The following EHBP1 variants were observed in gnomAD, a reference collection of about 807,000 sequenced individuals.
EHBP1 encodes EH domain binding protein 1.
Under a neutral mutation model 144.0 loss-of-function variants are expected in EHBP1, and 55 were observed. That is an observed-to-expected ratio of 0.38 (90% CI 0.31 to 0.48). The LOEUF is 0.48. Among genes scored for constraint, EHBP1 ranks in the 20% least tolerant of loss-of-function variants. The pLI is 0.98. For synonymous variants in EHBP1, 469 were observed against 472.7 expected (o/e 0.99, Z 0.10); for missense variants, 1,200 against 1,364.2 (o/e 0.88, Z 1.90).
Position 62,751,662 on chromosome 2 carries a change from G to T in EHBP1, c.162+4210G>T, listed in dbSNP as rs556525809. Among the ~76,000 whole-genome samples, 31 of 152,230 alleles carry T rather than the reference G, an allele frequency of 2.0e-4. 1 individual carries two copies. The South Asian group carries it at 3.5e-3, about 17-fold the overall frequency. On this transcript the variant is annotated intron_variant, in intron 3 of 22. Coordinates refer to ENST00000431489, the MANE Select transcript of EHBP1 (RefSeq NM_001142616.3). The stretch of plus-strand genomic sequence containing the variant: ...TATTAATTATTGCCTCAATTTCAGA[G>T]CCTGTTATTGGTCTATTCAGAGATT...
At chr2:62,932,689 C>G (rs1308384212) in intron 10 of EHBP1, among the ~76,000 whole-genome samples, 1 of 152,064 alleles carries the variant, frequency 6.6e-6, no homozygotes, top group African/African-American at 2.4e-5. Context: ...CATGGTGGCT[C>G]ACACCTGTAA....
chr2:62,832,077 G>A (rs903647217), intron 7 of EHBP1, among the ~76,000 whole-genome samples: 3 of 152,074 alleles, frequency 2.0e-5, no homozygotes, highest in African/African-American at 7.2e-5. Flanking sequence ...AAAATTAGAT[G>A]TTTTTTCATG....
intron 5 of EHBP1, among the ~76,000 whole-genome samples, chr2:62,817,112 A>C (rs373148871): frequency 6.6e-6 from 1 of 152,236 alleles, no homozygotes; most frequent in South Asian, 2.1e-4. Context: ...TTCACTTAAG[A>C]AGTATTTATT....
chr2:62,747,068 A>G (rs1279467565), intron 2 of EHBP1, among the ~76,000 whole-genome samples: 1 of 152,126 alleles, frequency 6.6e-6, no homozygotes, highest in African/African-American at 2.4e-5. Context: ...ATAATGTGTT[A>G]GAAGTATGGT....
intron 12 of EHBP1, among the ~76,000 whole-genome samples, chr2:62,944,297 G>A (rs1470031983): frequency 2.0e-5 from 3 of 152,132 alleles, no homozygotes; most frequent in Non-Finnish European, 4.4e-5. Context: ...CTGGTAAACC[G>A]TATACAGTTA....
intron 14 of EHBP1, among the ~76,000 whole-genome samples, chr2:62,975,662 T>G (rs1221270425): frequency 6.7e-6 from 1 of 149,860 alleles, no homozygotes; most frequent in Non-Finnish European, 1.5e-5. Flanking sequence ...AGTGGGAGGA[T>G]GACTTGAGCC....
At chr2:62,981,838 A>G (rs903906891) in intron 15 of EHBP1, among the ~76,000 whole-genome samples, 2 of 152,228 alleles carry the variant, frequency 1.3e-5, no homozygotes, top group Non-Finnish European at 2.9e-5. Flanking sequence ...GGTTTGACAA[A>G]TGACTTATGA....
At chr2:62,988,812 G>C (rs1315193063) in intron 15 of EHBP1, among the ~76,000 whole-genome samples, 2 of 152,090 alleles carry the variant, frequency 1.3e-5, no homozygotes, top group Non-Finnish European at 1.5e-5. Flanking sequence ...AAGGAGGGAG[G>C]CAAAGTCTCT....
chr2:62,962,706 A>G (rs2058058244), intron 14 of EHBP1, among the ~76,000 whole-genome samples: 1 of 152,242 alleles, frequency 6.6e-6, no homozygotes, highest in Non-Finnish European at 1.5e-5. Flanking sequence ...GAGAATCAGG[A>G]TGAAACTTCA....
At position 62,942,902 on chromosome 2, in the gene EHBP1, TA is replaced by T; in HGVS notation, c.1364+7del. 23 of 1,567,112 alleles carry T rather than the reference TA, an allele frequency of 1.5e-5. No individual in the cohort carries two copies. The highest frequency in any genetic ancestry group is 2.0e-5 in the Non-Finnish European group (23 of 1,149,882). On this transcript the variant is annotated splice_region_variant and intron_variant, in intron 11 of 22. Coordinates refer to ENST00000431489, the MANE Select transcript of EHBP1 (RefSeq NM_001142616.3). ...CACTTTAGACCAGATTTAATGTAAG[TA>T]GAAACATTTTCCATTCCCTATATTT...
At chr2:62,737,336 C>T (rs929093617) in intron 2 of EHBP1, among the ~76,000 whole-genome samples, 1 of 152,154 alleles carries the variant, frequency 6.6e-6, no homozygotes, top group Non-Finnish European at 1.5e-5. Context: ...GGAGGTAAAA[C>T]TCCCAAAAAT....
intron 4 of EHBP1, among the ~76,000 whole-genome samples, chr2:62,770,577 A>G (rs1410016378): frequency 6.6e-6 from 1 of 152,200 alleles, no homozygotes; most frequent in Non-Finnish European, 1.5e-5. Flanking sequence ...AATTAGTTCA[A>G]CCTTTGTGAA....
At chr2:62,943,241 T>C (rs1427336275) in intron 11 of EHBP1, among the ~76,000 whole-genome samples, 3 of 152,004 alleles carry the variant, frequency 2.0e-5, no homozygotes, top group Admixed American at 6.6e-5. Context: ...CCAGGTGTGG[T>C]GGCGCATGCC....
At position 62,684,567 on chromosome 2, in the gene EHBP1, G is replaced by A. The variant is rs976655741; in HGVS notation, c.-296+10484G>A. 3.9e-5 allele frequency among the ~76,000 whole-genome samples: 6 copies of A among 152,210 alleles called. No homozygotes were observed. The South Asian group carries it at 8.3e-4, about 21-fold the overall frequency. On this transcript the variant is annotated intron_variant, in intron 1 of 22. Transcript: ENST00000405015. ...GGATTTGATTTTAAGCACATGAAGC[G>A]GGCACTGGCGTGTGTGTTCCTTGGG...
intron 5 of EHBP1, among the ~76,000 whole-genome samples, chr2:62,820,749 T>TATATAG (rs1553429835): frequency 9.9e-6 from 1 of 100,596 alleles, no homozygotes; most frequent in Non-Finnish European, 2.3e-5. Context: ...TATATATATA[T>TATATAG]ATATATATAT....
chr2:62,920,812 A>G (rs1329305500), intron 10 of EHBP1, among the ~76,000 whole-genome samples: 1 of 151,780 alleles, frequency 6.6e-6, no homozygotes, highest in Non-Finnish European at 1.5e-5. Context: ...ACAGGCATAT[A>G]CCACCATGCC....
intron 15 of EHBP1, among the ~76,000 whole-genome samples, chr2:62,986,734 G>C (rs984371249): frequency 6.6e-6 from 1 of 152,096 alleles, no homozygotes; most frequent in African/African-American, 2.4e-5. Context: ...ACCGCACCCA[G>C]TCAATCTTTT....
intron 19 of EHBP1, among the ~76,000 whole-genome samples, 160 bp from the exon 20 acceptor site, chr2:63,037,375 T>C (rs2061483705): frequency 6.6e-6 from 1 of 152,050 alleles, no homozygotes; most frequent in South Asian, 2.1e-4. Context: ...AGATTGACTT[T>C]TCTTTTTTCA....
chr2:62,920,442 A>T (rs146308793), intron 10 of EHBP1, among the ~76,000 whole-genome samples: 367 of 152,338 alleles, frequency 2.4e-3, no homozygotes, highest in African/African-American at 8.6e-3. Context: ...AAGGGAATGT[A>T]TTACAACTAG....
Sources: gnomAD v4.1 joint callset for allele counts (sites outside exome capture counted in the v4.1 genomes callset) on GRCh38, gnomAD v4.1.1 for gene constraint, MANE v1.5 for transcripts, NCBI Gene and HGNC (gene_info 2026-07-23, HGNC 2026-07-21) for gene names.